TRIM9: variants seen among roughly 807,000 people sequenced by gnomAD.
The protein encoded by TRIM9 is E3 ubiquitin-protein ligase TRIM9.
In TRIM9, 26 loss-of-function variants were observed where a neutral mutation model predicts 78.3. The observed-to-expected ratio is 0.33, with a 90% confidence interval of 0.24 to 0.46. The LOEUF (loss-of-function observed/expected upper bound fraction) is 0.46, where lower values mean the gene tolerates loss of function less well. Among genes scored for constraint, TRIM9 ranks in the 20% least tolerant of loss-of-function variants. TRIM9 has a pLI of 1.00. For missense variants in TRIM9, 787 were observed against 1,036.4 expected (o/e 0.76, Z 3.30); for synonymous variants, 398 against 416.5 (o/e 0.96, Z 0.54).
intron 1 of TRIM9, among the ~76,000 whole-genome samples, chr14:51,071,233 A>T (rs1166978410): frequency 6.6e-6 from 1 of 151,816 alleles, no homozygotes; most frequent in Non-Finnish European, 1.5e-5. Context: ...AAAATTAGCC[A>T]GGCATGGTGG....
Position 50,979,450 on chromosome 14 carries a change from G to T in TRIM9, c.2262C>A (p.Pro754=). ...TFFINDEQQG[P]IAFDNVEGLF... The stretch of plus-strand genomic sequence containing the variant: ...GGCCCTCCACGTTATCAAATGCTAT[G>T]GGACCTTGTTGTTCATCGTTGATAA... The change falls in exon 12 of 13, where the codon CCC becomes CCA. Residue 754 remains proline, a synonymous_variant. Transcript: ENST00000684578. 1 of 1,614,156 alleles carries T rather than the reference G, an allele frequency of 6.2e-7. No individual in the cohort carries two copies. Among genetic ancestry groups the T allele is most frequent in the Non-Finnish European group, 8.5e-7 (1 of 1,180,034 alleles).
intron 12 of TRIM9, chr14:50,979,072 T>C: frequency 1.5e-6 from 2 of 1,321,934 alleles, no homozygotes; most frequent in Non-Finnish European, 1.9e-6. Flanking sequence ...TTCATGCCAG[T>C]TGGTTAAAGG....
At chr14:51,093,469 C>T (rs2064599797) in intron 1 of TRIM9, among the ~76,000 whole-genome samples, 1 of 152,262 alleles carries the variant, frequency 6.6e-6, no homozygotes, top group Non-Finnish European at 1.5e-5. Flanking sequence ...CAGGCCCAAG[C>T]CTGCACGTCG....
In TRIM9 at chr14:51,094,226, G is replaced by A. The variant is rs1276609564; in HGVS notation, c.714C>T (p.Ser238=). The A allele has an allele frequency of 6.2e-7, 1 of 1,614,130 alleles. No individual in the cohort carries two copies. The highest frequency in any genetic ancestry group is 8.5e-7 in the Non-Finnish European group (1 of 1,180,052). Reference sequence around the variant, plus strand: ...GCATCTTGCATTGCACGCAGTACATGCTGTGGTTCTCCAGCTCGTGGTCTG... The same window carrying A: ...GCATCTTGCATTGCACGCAGTACATACTGTGGTTCTCCAGCTCGTGGTCTG... ...TCTDHELENH[S]MYCVQCKMPV... The change falls in exon 1 of 13, where the codon AGC becomes AGT. Residue 238 remains serine, a synonymous_variant. Coordinates refer to ENST00000684578, the MANE Select transcript of TRIM9 (RefSeq NM_001387360.1).
At chr14:51,002,353 C>T (rs1328620341) in intron 5 of TRIM9, among the ~76,000 whole-genome samples, 3 of 151,542 alleles carry the variant, frequency 2.0e-5, no homozygotes, top group African/African-American at 7.3e-5. Flanking sequence ...CCAAGATGGT[C>T]TCGATCTACT....
chr14:50,996,774 G>A, intron 7 of TRIM9: 1 of 985,414 alleles, frequency 1.0e-6, no homozygotes. Context: ...GGAAGCTGTA[G>A]CTACCACATC....
At chr14:51,047,652 G>A (rs966925800) in intron 1 of TRIM9, among the ~76,000 whole-genome samples, 1 of 152,156 alleles carries the variant, frequency 6.6e-6, no homozygotes, top group African/African-American at 2.4e-5. Context: ...ACATACCCAA[G>A]GGAGGTATGG....
chr14:51,023,352 C>T lies in TRIM9; in HGVS notation c.919-395G>A, dbSNP rs2057936508. On this transcript the variant is annotated intron_variant, in intron 2 of 12. Transcript: ENST00000684578. ...GGGGCATTGCTGAGGCACGAGAAAT[C>T]ATTAAATTCAAAGGAATAAAGAAGA... Among the ~76,000 whole-genome samples the T allele has an allele frequency of 7.9e-5, 12 of 152,192 alleles. No homozygotes were observed. In the South Asian group the frequency reaches 2.5e-3, roughly 32 times the overall value.
rs1380075846 is a variant in TRIM9 at position 51,009,155 on chromosome 14, T to C, written c.1231A>G (p.Thr411Ala). 3 of 1,614,128 alleles carry C rather than the reference T, an allele frequency of 1.9e-6. No individual in the cohort carries two copies. The African/African-American group carries it at 4.0e-5, about 22-fold the overall frequency. Residue 411 changes from threonine (T) to alanine (A), a missense_variant, in exon 5 of 13, where the codon ACG (threonine) becomes GCG (alanine). Around this residue, in one of 3 missense-constraint regions of TRIM9, gnomAD observed 421 missense variants for 514.3 expected, o/e 0.82. Coordinates refer to ENST00000684578, the MANE Select transcript of TRIM9 (RefSeq NM_001387360.1). The part of the protein sequence containing the change: ...GKGTLTPRMT[T>A]DFDLSLDNSP... Reference sequence around the variant, plus strand: ...TTGTCCAGACTCAAGTCAAAGTCCGTGGTCATCCTTGGAGTGAGTGTGCCT... The same window carrying C: ...TTGTCCAGACTCAAGTCAAAGTCCGCGGTCATCCTTGGAGTGAGTGTGCCT...
intron 3 of TRIM9, among the ~76,000 whole-genome samples, chr14:51,012,211 C>T (rs370963907): frequency 6.6e-4 from 101 of 152,322 alleles, no homozygotes; most frequent in African/African-American, 2.3e-3. Flanking sequence ...AAACTCTAAA[C>T]CCATTAAACA....
chr14:51,064,448 T>C (rs1442363615), intron 1 of TRIM9, among the ~76,000 whole-genome samples: 1 of 151,960 alleles, frequency 6.6e-6, no homozygotes, highest in Non-Finnish European at 1.5e-5. Flanking sequence ...ACGGAATAAA[T>C]AAGTCCCAAC....
intron 1 of TRIM9, among the ~76,000 whole-genome samples, chr14:51,045,060 A>G (rs927315230): frequency 6.6e-6 from 1 of 152,088 alleles, no homozygotes; most frequent in African/African-American, 2.4e-5. Flanking sequence ...AAATATGGAA[A>G]AAAAAATCAA....
intron 1 of TRIM9, among the ~76,000 whole-genome samples, chr14:51,032,768 G>A (rs2058841886): frequency 6.6e-6 from 1 of 152,166 alleles, no homozygotes; most frequent in Admixed American, 6.5e-5. Flanking sequence ...ACTACCATGA[G>A]GATTACATGA....
intron 12 of TRIM9, chr14:50,978,953 G>A (rs2051428516): frequency 9.3e-7 from 1 of 1,079,294 alleles, no homozygotes; most frequent in African/African-American, 1.6e-5. Flanking sequence ...AGCCAAACAA[G>A]AGTGCAGAGA....
intron 1 of TRIM9, among the ~76,000 whole-genome samples, chr14:51,041,971 A>G (rs956490071): frequency 6.6e-6 from 1 of 152,232 alleles, no homozygotes; most frequent in Non-Finnish European, 1.5e-5. Flanking sequence ...GGTTTTCTTC[A>G]GAACAATGTG....
intron 1 of TRIM9, among the ~76,000 whole-genome samples, chr14:51,079,955 T>C (rs1296481378): frequency 6.6e-6 from 1 of 152,092 alleles, no homozygotes; most frequent in African/African-American, 2.4e-5. Context: ...GTGCTAGTGG[T>C]AAGATGCCAA....
intron 1 of TRIM9, among the ~76,000 whole-genome samples, chr14:51,058,363 T>C (rs185126035): frequency 6.6e-6 from 1 of 152,324 alleles, no homozygotes; most frequent in African/African-American, 2.4e-5. Flanking sequence ...TCTAACGACA[T>C]TCTTGGTTGG....
Position 51,010,434 on chromosome 14 carries a change from C to G in TRIM9, c.1102G>C (p.Glu368Gln), listed in dbSNP as rs1334088172. ...TCCTTAATCACCTCCAAGCAGTACTCCATGAGACCTGTGGTCTGGCGCAAT... is the reference window on the plus strand; with the variant it reads ...TCCTTAATCACCTCCAAGCAGTACTGCATGAGACCTGTGGTCTGGCGCAAT... Reference protein sequence around the residue: ...VKLRQTTGLMEYCLEVIKEND... With the variant: ...VKLRQTTGLMQYCLEVIKEND... The change falls in exon 4 of 13, where the codon GAG becomes CAG. Residue 368 changes from glutamate to glutamine, a missense_variant. Physicochemically the swap from Glu to Gln is conservative, Grantham distance 29. Coordinates refer to ENST00000684578, the MANE Select transcript of TRIM9 (RefSeq NM_001387360.1). 5 of 1,613,986 alleles carry G rather than the reference C, an allele frequency of 3.1e-6. No homozygotes were observed. Among genetic ancestry groups the G allele is most frequent in the East Asian group, 2.2e-5 (1 of 44,874 alleles).
chr14:51,045,572 G>A (rs1269097030), intron 1 of TRIM9, among the ~76,000 whole-genome samples: 2 of 152,158 alleles, frequency 1.3e-5, no homozygotes. Flanking sequence ...TATGATTCAA[G>A]GAACAATGTA....
Sources: gnomAD v4.1 joint callset for allele counts (sites outside exome capture counted in the v4.1 genomes callset) on GRCh38, gnomAD v4.1.1 for gene constraint, gnomAD v4.1.1 regional missense constraint, MANE v1.5 for transcripts, NCBI Gene and HGNC (gene_info 2026-07-23, HGNC 2026-07-21) for gene names.